The following ROBO2 variants were observed in gnomAD, a reference collection of about 807,000 sequenced individuals.
ROBO2 encodes roundabout homolog 2.
Under a neutral mutation model 160.8 loss-of-function variants are expected in ROBO2, and 53 were observed. That is an observed-to-expected ratio of 0.33 (90% confidence interval 0.26 to 0.41). ROBO2 has a LOEUF of 0.41. Among genes scored for constraint, ROBO2 ranks in the 10% least tolerant of loss-of-function variants. The probability of loss-of-function intolerance (pLI) is 1.00; values close to 1 mark genes in which losing one functional copy is unlikely to be tolerated. For missense variants in ROBO2, 1,577 were observed against 1,722.4 expected (o/e 0.92, Z 1.49); for synonymous variants, 664 against 611.7 (o/e 1.09, Z -1.26).
Position 77,567,281 on chromosome 3 carries a change from A to G in ROBO2, c.1850-1032A>G, listed in dbSNP as rs149914415. Among the ~76,000 whole-genome samples the G allele has an allele frequency of 6.5e-3, 987 of 152,204 alleles. 9 individuals carry two copies. The highest frequency in any genetic ancestry group is 0.022 in the African/African-American group (931 of 41,564). On this transcript the variant is annotated intron_variant, in intron 12 of 25. Coordinates refer to ENST00000461745, the Ensembl canonical transcript of ROBO2. The stretch of plus-strand genomic sequence containing the variant: ...GGATTACGAAAATAAATAACTTTAA[A>G]TTGGACTTCCTTTCTTAAATACAAT...
At chr3:76,213,913 T>C (rs1039300661) in intron 2 of ROBO2, among the ~76,000 whole-genome samples, 1 of 152,122 alleles carries the variant, frequency 6.6e-6, no homozygotes, top group African/African-American at 2.4e-5. Context: ...AAATACAGTA[T>C]AGATAGATAG....
chr3:76,457,621 C>T (rs6793007), intron 2 of ROBO2, among the ~76,000 whole-genome samples: 5 of 152,168 alleles, frequency 3.3e-5, no homozygotes, highest in South Asian at 4.1e-4. Flanking sequence ...CTGTAGAGAC[C>T]GTGTGGGGGC....
At chr3:76,083,088 A>G (rs2068887808) in intron 2 of ROBO2, among the ~76,000 whole-genome samples, 1 of 152,126 alleles carries the variant, frequency 6.6e-6, no homozygotes, top group Admixed American at 6.5e-5. Flanking sequence ...CTGAAATGAA[A>G]TGTAATATGA....
intron 2 of ROBO2, among the ~76,000 whole-genome samples, chr3:76,039,018 G>A (rs528420979): frequency 4.6e-5 from 7 of 151,956 alleles, no homozygotes; most frequent in Non-Finnish European, 8.8e-5. Flanking sequence ...CAATCTTACT[G>A]AAGAGTTTAG....
intron 2 of ROBO2, among the ~76,000 whole-genome samples, chr3:76,575,613 A>C (rs1316268680): frequency 6.6e-6 from 1 of 152,088 alleles, no homozygotes; most frequent in Non-Finnish European, 1.5e-5. Flanking sequence ...GGGCCAAAAA[A>C]TACGACTTGT....
chr3:76,603,370 A>ATG (rs1560219384), intron 2 of ROBO2, among the ~76,000 whole-genome samples: 2 of 137,658 alleles, frequency 1.5e-5, no homozygotes, highest in East Asian at 2.1e-4. Context: ...ATATATATAT[A>ATG]TATATATATA....
chr3:76,413,156 C>G (rs767940162), intron 2 of ROBO2, among the ~76,000 whole-genome samples: 1 of 152,174 alleles, frequency 6.6e-6, no homozygotes, highest in African/African-American at 2.4e-5. Flanking sequence ...GCACTGAGTC[C>G]GTAGGCTGCA....
intron 2 of ROBO2, among the ~76,000 whole-genome samples, chr3:77,345,041 T>A (rs1415917977): frequency 1.3e-5 from 2 of 152,026 alleles, no homozygotes; most frequent in Non-Finnish European, 2.9e-5. Context: ...TTTATGTGGG[T>A]CAATAATTTG....
intron 2 of ROBO2, among the ~76,000 whole-genome samples, chr3:76,885,895 G>T (rs1472658523): frequency 6.6e-6 from 1 of 152,084 alleles, no homozygotes; most frequent in East Asian, 1.9e-4. Context: ...GGACACATCA[G>T]GGCTTCCTTA....
chr3:76,454,650 G>A lies in ROBO2; in HGVS notation c.109+517048G>A, dbSNP rs1178627508. On this transcript the variant is annotated intron_variant, in intron 2 of 26. Coordinates refer to the ROBO2 transcript ENST00000487694. Reference sequence around the variant, plus strand: ...ACTTTTCCATCAACTGTTATTCTGTGTGAGGAATTAATTAAATGTAATTAT... The same window carrying A: ...ACTTTTCCATCAACTGTTATTCTGTATGAGGAATTAATTAAATGTAATTAT... Among the ~76,000 whole-genome samples the A allele has an allele frequency of 2.6e-5, 4 of 152,194 alleles. No homozygotes were observed. The East Asian group carries it at 5.8e-4, about 22-fold the overall frequency.
chr3:77,107,738 G>A (rs1044936607), intron 2 of ROBO2, among the ~76,000 whole-genome samples: 11 of 152,148 alleles, frequency 7.2e-5, no homozygotes, highest in Non-Finnish European at 1.5e-4. Context: ...CTTTCTGAGA[G>A]CCAGGCCGTT....
At chr3:76,117,575 A>G (rs2070529795) in intron 2 of ROBO2, among the ~76,000 whole-genome samples, 1 of 152,208 alleles carries the variant, frequency 6.6e-6, no homozygotes, top group Non-Finnish European at 1.5e-5. Flanking sequence ...CCAATATCAC[A>G]TCAGTTCTTA....
chr3:77,176,261 T>G (rs1218366291), intron 2 of ROBO2, among the ~76,000 whole-genome samples: 1 of 152,084 alleles, frequency 6.6e-6, no homozygotes, highest in Non-Finnish European at 1.5e-5. Context: ...GAAAACCTTC[T>G]GTTGGCCATT....
At chr3:77,193,184 C>G (rs2082015808) in intron 2 of ROBO2, among the ~76,000 whole-genome samples, 1 of 151,588 alleles carries the variant, frequency 6.6e-6, no homozygotes, top group African/African-American at 2.4e-5. Context: ...AAACCACGTC[C>G]CAGGCGAAGT....
At chr3:77,508,913 T>C (rs991259126) in intron 5 of ROBO2, among the ~76,000 whole-genome samples, 1 of 151,996 alleles carries the variant, frequency 6.6e-6, no homozygotes, top group African/African-American at 2.4e-5. Flanking sequence ...GGGGAGAAAA[T>C]GTATTTTTTT....
At chr3:75,992,558 C>A (rs1003184609) in intron 2 of ROBO2, among the ~76,000 whole-genome samples, 1 of 152,120 alleles carries the variant, frequency 6.6e-6, no homozygotes, top group African/African-American at 2.4e-5. Context: ...TCAGGGAGAA[C>A]CTCTGCTAGG....
chr3:77,173,618 G>C (rs35145831), intron 2 of ROBO2, among the ~76,000 whole-genome samples: 1,937 of 151,988 alleles, frequency 0.013, 38 homozygotes, highest in African/African-American at 0.044. Context: ...ATAGGTCTTG[G>C]CACCATTCAT....
At chr3:76,955,185 A>G (rs1180874300) in intron 2 of ROBO2, among the ~76,000 whole-genome samples, 2 of 152,242 alleles carry the variant, frequency 1.3e-5, no homozygotes, top group Non-Finnish European at 1.5e-5. Context: ...TATTCATATC[A>G]TAGCATGCAT....
intron 2 of ROBO2, among the ~76,000 whole-genome samples, chr3:76,263,420 G>T (rs776492006): frequency 2.6e-5 from 4 of 152,002 alleles, no homozygotes; most frequent in Non-Finnish European, 5.9e-5. Context: ...ACAGAGTCTT[G>T]CTGTGTCGCC....
Sources: allele counts gnomAD v4.1 joint callset (sites outside exome capture counted in the v4.1 genomes callset), GRCh38; gene constraint gnomAD v4.1.1; transcripts MANE v1.5; gene names NCBI Gene and HGNC (gene_info 2026-07-23, HGNC 2026-07-21).